GJB7: variants seen among roughly 807,000 people sequenced by gnomAD.
GJB7 encodes gap junction protein beta 7, also known as gap junction beta-7 protein.
For synonymous variants in GJB7, 87 were observed against 95.2 expected (o/e 0.91, Z 0.50); for missense variants, 253 against 256.8 (o/e 0.99, Z 0.10).
intron 2 of GJB7, among the ~76,000 whole-genome samples, chr6:87,306,771 A>C (rs528273742): frequency 1.3e-4 from 20 of 152,360 alleles, no homozygotes; most frequent in Non-Finnish European, 2.2e-4. Context: ...ACTTGGAACC[A>C]ACCCTAATGT....
intron 2 of GJB7, chr6:87,300,532 T>G (rs977601935): frequency 2.4e-4 from 42 of 175,176 alleles, no homozygotes; most frequent in Admixed American, 2.3e-3. Flanking sequence ...GAGAAGTCAG[T>G]TGGAGAAAAT....
At chr6:87,313,901 TC>T (rs1462160084) in intron 2 of GJB7, among the ~76,000 whole-genome samples, 1 of 152,136 alleles carries the variant, frequency 6.6e-6, no homozygotes, top group African/African-American at 2.4e-5. Context: ...TTTAACAAGA[TC>T]CTCCAGGTGA....
intron 1 of GJB7, among the ~76,000 whole-genome samples, chr6:87,324,497 G>T (rs1776766267): frequency 6.6e-6 from 1 of 150,504 alleles, no homozygotes; most frequent in Non-Finnish European, 1.5e-5. Flanking sequence ...TGGCTAGCCA[G>T]TTTTCCCAGC....
At chr6:87,320,275 T>C (rs1445131593) in intron 2 of GJB7, among the ~76,000 whole-genome samples, 1 of 152,232 alleles carries the variant, frequency 6.6e-6, no homozygotes, top group Non-Finnish European at 1.5e-5. Flanking sequence ...ATATCTCATG[T>C]ACCCCATAAA....
chr6:87,284,992 G>T, intron 2 of GJB7, 53 bp from the exon 3 acceptor site: 1 of 1,136,366 alleles, frequency 8.8e-7, no homozygotes. Context: ...TCTACAGATC[G>T]TTTCTACTAT....
chr6:87,290,940 A>G (rs929470522), intron 2 of GJB7, among the ~76,000 whole-genome samples: 3 of 152,254 alleles, frequency 2.0e-5, no homozygotes, highest in African/African-American at 4.8e-5. Context: ...ATTTTAGCCT[A>G]TGAGAAACAA....
chr6:87,288,463 T>G (rs750605645), intron 2 of GJB7, among the ~76,000 whole-genome samples: 1 of 152,226 alleles, frequency 6.6e-6, no homozygotes, highest in East Asian at 1.9e-4. Flanking sequence ...CTTTCTTGCC[T>G]CTACATATAT....
At chr6:87,308,400 T>C (rs1281601189) in intron 2 of GJB7, among the ~76,000 whole-genome samples, 3 of 152,146 alleles carry the variant, frequency 2.0e-5, no homozygotes, top group Non-Finnish European at 4.4e-5. Context: ...CAGATTCTAA[T>C]TAATATCCCG....
At chr6:87,312,997 G>A (rs56957450) in intron 2 of GJB7, among the ~76,000 whole-genome samples, 8,715 of 152,226 alleles carry the variant, frequency 0.057, 485 homozygotes, top group African/African-American at 0.14. Context: ...TCCTCTCCTG[G>A]AGATTTCAGT....
rs141397477 is a variant in GJB7, at chr6:87,328,983, G to T, written c.-206+155C>A. Reference sequence around the variant, plus strand: ...GCCATTTTTTAAGCCCGTCGGAAAAGCGCAGGATTCGGGTGGGAGTGACCC... The same window carrying T: ...GCCATTTTTTAAGCCCGTCGGAAAATCGCAGGATTCGGGTGGGAGTGACCC... On this transcript the variant is annotated intron_variant, in intron 1 of 2. Transcript: ENST00000525899. 6.2e-3 allele frequency among the ~76,000 whole-genome samples: 949 copies of T among 152,334 alleles called. 14 individuals are homozygous for T. Among genetic ancestry groups the T allele is most frequent in the African/African-American group, 0.022 (912 of 41,572 alleles).
intron 2 of GJB7, chr6:87,300,115 T>G (rs1320744093): frequency 6.7e-6 from 2 of 297,738 alleles, no homozygotes; most frequent in Non-Finnish European, 1.3e-5. Flanking sequence ...CTTGGATTCA[T>G]TAACTCCAGC....
At chr6:87,298,971 A>T in intron 2 of GJB7, 3 of 462,866 alleles carry the variant, frequency 6.5e-6, no homozygotes, top group African/African-American at 2.0e-5. Context: ...GGAAGTTCTA[A>T]AGTAACAAAA....
At chr6:87,328,617 C>G (rs1319814928) in intron 1 of GJB7, among the ~76,000 whole-genome samples, 6 of 152,202 alleles carry the variant, frequency 3.9e-5, no homozygotes, top group Non-Finnish European at 7.3e-5. Flanking sequence ...GTTCTCAGAT[C>G]TCCAGCTGCG....
intron 2 of GJB7, among the ~76,000 whole-genome samples, chr6:87,309,299 C>G (rs1471999712): frequency 3.3e-5 from 5 of 152,218 alleles, no homozygotes; most frequent in Admixed American, 3.3e-4. Context: ...ACCCTTGTCA[C>G]CAAGGTCAGA....
intron 2 of GJB7, among the ~76,000 whole-genome samples, chr6:87,291,267 A>C (rs542804202): frequency 3.3e-5 from 5 of 152,234 alleles, no homozygotes; most frequent in African/African-American, 4.8e-5. Flanking sequence ...TAAGAGCCAT[A>C]AATCTACAAG....
intron 2 of GJB7, among the ~76,000 whole-genome samples, chr6:87,305,894 T>G (rs1181424443): frequency 6.6e-6 from 1 of 152,178 alleles, no homozygotes; most frequent in African/African-American, 2.4e-5. Context: ...CCATCTGATC[T>G]TTGACAAATC....
chr6:87,289,370 T>C (rs1776124446), intron 2 of GJB7, among the ~76,000 whole-genome samples: 1 of 152,220 alleles, frequency 6.6e-6, no homozygotes, highest in African/African-American at 2.4e-5. Context: ...GAGAAGGAAC[T>C]AGAGTTGCCA....
At chr6:87,313,518 GC>G (rs1305278531) in intron 2 of GJB7, among the ~76,000 whole-genome samples, 3 of 152,232 alleles carry the variant, frequency 2.0e-5, no homozygotes, top group Non-Finnish European at 2.9e-5. Context: ...AAATAAAATT[GC>G]CCCATTCCTA....
intron 2 of GJB7, among the ~76,000 whole-genome samples, chr6:87,313,426 A>T (rs1776538280): frequency 6.6e-6 from 1 of 152,234 alleles, no homozygotes; most frequent in African/African-American, 2.4e-5. Flanking sequence ...GGAGTTAAAA[A>T]TAGAGTTTTA....
Sources: gnomAD v4.1 joint callset for allele counts (sites outside exome capture counted in the v4.1 genomes callset) on GRCh38, gnomAD v4.1.1 for gene constraint, MANE v1.5 for transcripts, NCBI Gene and HGNC (gene_info 2026-07-23, HGNC 2026-07-21) for gene names.